The following METAP1 variants were observed in gnomAD, a reference collection of about 807,000 sequenced individuals.
The protein encoded by METAP1 is methionyl aminopeptidase 1.
In METAP1, 28 loss-of-function variants were observed where a neutral mutation model predicts 53.8. That is an observed-to-expected ratio of 0.52 (90% CI 0.39 to 0.71). METAP1 has a LOEUF of 0.71. METAP1 is among the 30% of genes least tolerant of loss of function. The pLI is 0.00. For synonymous variants in METAP1, 181 were observed against 165.7 expected (o/e 1.09, Z -0.71); for missense variants, 389 against 479.8 (o/e 0.81, Z 1.77).
chr4:99,060,123 A>G (rs1435158127), intron 10 of METAP1, among the ~76,000 whole-genome samples: 3 of 152,160 alleles, frequency 2.0e-5, no homozygotes, highest in Admixed American at 1.3e-4. Flanking sequence ...TAAAATACAC[A>G]TCTCATTTTT....
chr4:99,026,885 G>A (rs1724601706), intron 1 of METAP1: 1 of 982,838 alleles, frequency 1.0e-6, no homozygotes, highest in Admixed American at 6.2e-5. Flanking sequence ...TGTTTATTAT[G>A]AATATTTTGG....
At chr4:99,057,395 G>A (rs1241584445) in intron 9 of METAP1, among the ~76,000 whole-genome samples, 2 of 152,110 alleles carry the variant, frequency 1.3e-5, no homozygotes, top group Non-Finnish European at 2.9e-5. Context: ...TGGAACTCTT[G>A]GTTCTGTGAT....
At position 99,012,775 on chromosome 4, in the gene METAP1, G is replaced by A. The variant is rs1456255787; in HGVS notation, c.115-16092G>A. ...TGAAAACATGTACCCAAGGTGGTTGGGTTACAGCTTGATTTTATACATTTT... is the reference window on the plus strand; with the variant it reads ...TGAAAACATGTACCCAAGGTGGTTGAGTTACAGCTTGATTTTATACATTTT... On this transcript the variant is annotated intron_variant, in intron 1 of 10. Coordinates refer to ENST00000296411, the MANE Select transcript of METAP1 (RefSeq NM_015143.3). 4.0e-5 allele frequency among the ~76,000 whole-genome samples: 6 copies of A among 151,650 alleles called. No homozygotes were observed. In the East Asian group the frequency reaches 1.2e-3, roughly 29 times the overall value.
At chr4:99,027,874 C>T (rs371557925) in intron 1 of METAP1, among the ~76,000 whole-genome samples, 1 of 152,128 alleles carries the variant, frequency 6.6e-6, no homozygotes, top group African/African-American at 2.4e-5. Flanking sequence ...GTTGGAGAAA[C>T]TGATCTTTCA....
At chr4:99,024,057 G>T (rs1724360194) in intron 1 of METAP1, among the ~76,000 whole-genome samples, 1 of 152,218 alleles carries the variant, frequency 6.6e-6, no homozygotes, top group South Asian at 2.1e-4. Context: ...CCACAGCCCG[G>T]CGCCACGCCC....
intron 8 of METAP1, among the ~76,000 whole-genome samples, chr4:99,048,158 TAAA>T (rs909757230): frequency 6.6e-6 from 1 of 152,194 alleles, no homozygotes; most frequent in Non-Finnish European, 1.5e-5. Flanking sequence ...TCTCTGTTGT[TAAA>T]GAAAGCAAAA....
intron 1 of METAP1, chr4:99,023,628 T>A: frequency 1.0e-6 from 1 of 985,418 alleles, no homozygotes; most frequent in Non-Finnish European, 1.2e-6. Context: ...AACCATTTAA[T>A]GTTAATTCTA....
chr4:99,011,043 GT>G (rs71588993), intron 1 of METAP1, among the ~76,000 whole-genome samples: 5 of 149,866 alleles, frequency 3.3e-5, no homozygotes, highest in Non-Finnish European at 7.4e-5. Context: ...AGCTCTAACA[GT>G]TTTTTTTTTA....
intron 1 of METAP1, among the ~76,000 whole-genome samples, chr4:99,019,994 T>C (rs1358524346): frequency 1.3e-5 from 2 of 152,146 alleles, no homozygotes; most frequent in African/African-American, 4.8e-5. Flanking sequence ...TTAATTCTTG[T>C]AGATCCCTCA....
At chr4:99,003,068 A>AAAAC (rs34388482) in intron 1 of METAP1, among the ~76,000 whole-genome samples, 68,336 of 151,538 alleles carry the variant, frequency 0.45, 17,433 homozygotes, top group South Asian at 0.67. Flanking sequence ...GACTGTCTCA[A>AAAAC]AAACAAACAA....
At chr4:99,051,658 T>A (rs1397033212) in intron 9 of METAP1, among the ~76,000 whole-genome samples, 2 of 152,204 alleles carry the variant, frequency 1.3e-5, no homozygotes, top group Non-Finnish European at 1.5e-5. Flanking sequence ...CCCAAGGAGC[T>A]GGGGTTACAG....
At chr4:99,060,380 T>TC (rs1727457154) in intron 10 of METAP1, among the ~76,000 whole-genome samples, 1 of 148,770 alleles carries the variant, frequency 6.7e-6, no homozygotes, top group African/African-American at 2.5e-5. Flanking sequence ...TTTTTTTTTT[T>TC]TGAGACGGAG....
intron 1 of METAP1, among the ~76,000 whole-genome samples, chr4:98,997,978 A>G (rs768622612): frequency 6.6e-6 from 1 of 152,216 alleles, no homozygotes; most frequent in Non-Finnish European, 1.5e-5. Context: ...ACCCTATCAA[A>G]CAAAACCTTT....
At chr4:99,055,641 T>C (rs1267380242) in intron 9 of METAP1, among the ~76,000 whole-genome samples, 2 of 152,200 alleles carry the variant, frequency 1.3e-5, no homozygotes, top group South Asian at 2.1e-4. Context: ...TTGAGAGATA[T>C]GTTACATGTT....
intron 1 of METAP1, among the ~76,000 whole-genome samples, chr4:99,013,060 G>A (rs773937423): frequency 2.6e-5 from 4 of 152,120 alleles, no homozygotes; most frequent in African/African-American, 9.7e-5. Flanking sequence ...CATACTAAAT[G>A]TTTTTGTTTT....
Position 99,025,585 on chromosome 4 carries a change from T to C in METAP1, c.115-3282T>C, listed in dbSNP as rs574519883. ...GGAGCCAGAGCTGAGAACCACACTA[T>C]CCCATTTTAGCTTGTAAACCAAAAA... On this transcript the variant is annotated intron_variant, in intron 1 of 10. Transcript: ENST00000296411. 16 of 673,736 alleles carry C rather than the reference T, an allele frequency of 2.4e-5. No individual in the cohort carries two copies. In the East Asian group the frequency reaches 2.0e-3, roughly 85 times the overall value. 41.7% of individuals were successfully genotyped at this position (673,736 alleles called of 1,614,324 possible). A position where few individuals can be genotyped will look rare whatever the true frequency, so the allele number is the denominator to read the frequency against.
At chr4:99,004,558 C>G (rs1218871883) in intron 1 of METAP1, among the ~76,000 whole-genome samples, 1 of 151,472 alleles carries the variant, frequency 6.6e-6, no homozygotes, top group African/African-American at 2.4e-5. Flanking sequence ...AAGCATGATA[C>G]AGTAAATGCC....
In METAP1 at chr4:99,045,261, G is replaced by C; in HGVS notation, c.738G>C (p.Arg246=). ...TTGGAGAAGTGGATGATGGAGCACGGAAACTTGTTCAGACCACATATGAGT... is the reference window on the plus strand; with the variant it reads ...TTGGAGAAGTGGATGATGGAGCACGCAAACTTGTTCAGACCACATATGAGT... The part of the protein sequence containing the change: ...FFVGEVDDGA[R]KLVQTTYECL... Residue 246 remains arginine (R), a synonymous_variant, in exon 8 of 11, where the codon CGG becomes CGC. Coordinates refer to ENST00000296411, the MANE Select transcript of METAP1 (RefSeq NM_015143.3). 1 of 1,613,834 alleles carries C rather than the reference G, an allele frequency of 6.2e-7. No individual in the cohort carries two copies.
intron 1 of METAP1, among the ~76,000 whole-genome samples, chr4:99,012,678 T>TA (rs1553940997): frequency 1.4e-5 from 2 of 145,492 alleles, no homozygotes; most frequent in Non-Finnish European, 1.5e-5. Context: ...TTTTTTTTTT[T>TA]AAAGATTTAA....
Sources: allele counts gnomAD v4.1 joint callset (sites outside exome capture counted in the v4.1 genomes callset), GRCh38; gene constraint gnomAD v4.1.1; transcripts MANE v1.5; gene names NCBI Gene and HGNC (gene_info 2026-07-23, HGNC 2026-07-21).